Variants in NLGN4X observed in about 807,000 individuals in gnomAD.
NLGN4X encodes the protein neuroligin 4 X-linked.
Under a neutral mutation model 40.3 loss-of-function variants are expected in NLGN4X, and 3 were observed. The ratio of observed to expected loss-of-function variants is 0.07; its 90% CI spans 0.03 to 0.19. The LOEUF is 0.19. NLGN4X is among the 10% of genes least tolerant of loss of function. The probability of loss-of-function intolerance (pLI) is 1.00; values close to 1 mark genes in which losing one functional copy is unlikely to be tolerated. For missense variants in NLGN4X, 382 were observed against 708.3 expected, an observed-to-expected ratio of 0.54 and a Z score of 5.23; for synonymous variants, 270 against 306.8, an observed-to-expected ratio of 0.88 and a Z score of 1.25.
At chrX:6,154,337 T>C (rs1372222342) in intron 1 of NLGN4X, among the ~76,000 whole-genome samples, 1 of 111,653 alleles carries the variant, frequency 9.0e-6, no homozygotes, top group African/African-American at 3.3e-5. Context: ...CTGTCGTGTA[T>C]GTGTGTGTGT....
intron 2 of NLGN4X, among the ~76,000 whole-genome samples, chrX:6,078,069 G>A (rs1240749579): frequency 9.0e-6 from 1 of 111,628 alleles, no homozygotes; most frequent in Non-Finnish European, 1.9e-5. Flanking sequence ...CAGAACTTGT[G>A]TCTGGGATGC....
intron 3 of NLGN4X, among the ~76,000 whole-genome samples, chrX:5,968,457 C>CTGTGTGTGTGTG (rs529573810): frequency 3.4e-4 from 16 of 47,018 alleles, no homozygotes; most frequent in Admixed American, 1.2e-3. Context: ...CTCTCTCTCT[C>CTGTGTGTGTGTG]TGTGTGTGTG....
chrX:5,925,879 C>CATATATAT (rs2033268045), intron 3 of NLGN4X, among the ~76,000 whole-genome samples: 21 of 46,776 alleles, frequency 4.5e-4, no homozygotes, highest in Non-Finnish European at 7.4e-4. Context: ...TATACATACA[C>CATATATAT]ACATATATAT....
At chrX:6,216,061 G>A (rs1471265652) in intron 1 of NLGN4X, among the ~76,000 whole-genome samples, 1 of 110,680 alleles carries the variant, frequency 9.0e-6, no homozygotes, top group Non-Finnish European at 1.9e-5. Context: ...ATTTTTAGTA[G>A]AGATGGGGTT....
chrX:6,173,344 CTGT>C (rs898707000), intron 1 of NLGN4X, among the ~76,000 whole-genome samples: 4 of 111,816 alleles, frequency 3.6e-5, no homozygotes, highest in Non-Finnish European at 7.5e-5. Context: ...CTCCCCTGAC[CTGT>C]TGTCTCTCAA....
At chrX:6,096,107 GAAGTT>G (rs749172274) in intron 2 of NLGN4X, among the ~76,000 whole-genome samples, 157 of 112,016 alleles carry the variant, frequency 1.4e-3, no homozygotes, top group African/African-American at 4.9e-3. Context: ...GCCTTATGAA[GAAGTT>G]ATGTTTCAGA....
At chrX:5,914,386 T>C (rs1485419334) in intron 3 of NLGN4X, among the ~76,000 whole-genome samples, 2 of 111,276 alleles carry the variant, frequency 1.8e-5, no homozygotes, top group African/African-American at 6.5e-5. Context: ...AGGAACCCAA[T>C]GGGGTCAGAT....
intron 2 of NLGN4X, among the ~76,000 whole-genome samples, chrX:6,042,728 T>TAC (rs202030040): frequency 1.7e-3 from 50 of 29,294 alleles, no homozygotes; most frequent in African/African-American, 5.2e-3. Context: ...TATATATATA[T>TAC]ATACACACAC....
intron 2 of NLGN4X, among the ~76,000 whole-genome samples, chrX:6,127,704 A>C (rs1208391223): frequency 1.8e-5 from 2 of 112,728 alleles, no homozygotes; most frequent in Non-Finnish European, 3.7e-5. Context: ...CTCATTTCAT[A>C]TATAAAAATA....
chrX:6,023,281 T>C (rs2036601053), intron 3 of NLGN4X, among the ~76,000 whole-genome samples: 1 of 111,719 alleles, frequency 9.0e-6, no homozygotes, highest in African/African-American at 3.3e-5. Flanking sequence ...AGCAAACCAG[T>C]ATCGATTGAA....
At chrX:5,934,055 C>T (rs2146877593) in intron 3 of NLGN4X, among the ~76,000 whole-genome samples, 1 of 111,604 alleles carries the variant, frequency 9.0e-6, no homozygotes, top group Admixed American at 9.6e-5. Flanking sequence ...CCCCCATGAA[C>T]CCAACTTCCA....
chrX:6,024,446 A>G (rs757211437), intron 3 of NLGN4X, among the ~76,000 whole-genome samples: 8 of 111,118 alleles, frequency 7.2e-5, no homozygotes, highest in African/African-American at 1.3e-4. Flanking sequence ...ATCTTGAATA[A>G]GGGCTGGGTA....
chrX:6,221,391 TTATATATATATATATATA>T (rs60897428), intron 1 of NLGN4X, among the ~76,000 whole-genome samples: 5 of 53,374 alleles, frequency 9.4e-5, no homozygotes, highest in African/African-American at 3.0e-4. Context: ...CCTTCTTATA[TTATATATATATATATATA>T]TATATATATA....
chrX:6,210,337 G>T (rs1165337206), intron 1 of NLGN4X, among the ~76,000 whole-genome samples: 1 of 108,991 alleles, frequency 9.2e-6, no homozygotes, highest in African/African-American at 3.3e-5. Context: ...CTTCTCATCA[G>T]ATCTGTATCT....
At chrX:6,040,832 C>T (rs2037136998) in intron 2 of NLGN4X, among the ~76,000 whole-genome samples, 2 of 111,791 alleles carry the variant, frequency 1.8e-5, no homozygotes, top group South Asian at 3.7e-4. Flanking sequence ...AATTAATATA[C>T]CATACACATC....
chrX:5,918,243 A>G (rs189426578), intron 3 of NLGN4X, among the ~76,000 whole-genome samples: 5 of 111,765 alleles, frequency 4.5e-5, no homozygotes, highest in Admixed American at 9.5e-5. Context: ...TTCACCATCA[A>G]AGTATGGAGA....
chrX:5,929,155 AT>A (rs1431481985), intron 3 of NLGN4X, among the ~76,000 whole-genome samples: 1 of 112,032 alleles, frequency 8.9e-6, no homozygotes, highest in African/African-American at 3.2e-5. Flanking sequence ...TTTGCTAAAT[AT>A]ATTTTACAAG....
chrX:6,028,885 A>T (rs2036780681), intron 3 of NLGN4X, among the ~76,000 whole-genome samples: 1 of 111,858 alleles, frequency 8.9e-6, no homozygotes, highest in African/African-American at 3.3e-5. Context: ...TTTCCTCCAC[A>T]CAATATACTG....
At chrX:6,045,403 T>C (rs2037292456) in intron 2 of NLGN4X, among the ~76,000 whole-genome samples, 1 of 112,113 alleles carries the variant, frequency 8.9e-6, no homozygotes, top group African/African-American at 3.2e-5. Context: ...AAGTTACTTG[T>C]AAAGAATCTT....
Sources: allele counts gnomAD v4.1 joint callset (sites outside exome capture counted in the v4.1 genomes callset), GRCh38; gene constraint gnomAD v4.1.1; transcripts MANE v1.5; gene names NCBI Gene and HGNC (gene_info 2026-07-23, HGNC 2026-07-21).